The following ITFG1 variants were observed in gnomAD, a reference collection of about 807,000 sequenced individuals.
ITFG1 encodes the protein T-cell immunomodulatory protein.
A neutral mutation model predicts 81.8 loss-of-function variants in ITFG1; 34 were observed. The ratio of observed to expected loss-of-function variants is 0.42; its 90% CI spans 0.32 to 0.55. The LOEUF (loss-of-function observed/expected upper bound fraction) is 0.55. ITFG1 is among the 20% of genes least tolerant of loss of function. The pLI is 0.17. For missense variants in ITFG1, 672 were observed against 755.4 expected, an observed-to-expected ratio of 0.89 and a Z score of 1.29; for synonymous variants, 285 against 270.6, an observed-to-expected ratio of 1.05 and a Z score of -0.52.
intron 8 of ITFG1, 40 bp from the exon 9 acceptor site, chr16:47,313,863 A>G (rs747866077): frequency 8.4e-7 from 1 of 1,187,986 alleles, no homozygotes; most frequent in South Asian, 1.3e-5. Context: ...ATAGTCACAA[A>G]ATAAAGTGTT....
intron 10 of ITFG1, among the ~76,000 whole-genome samples, chr16:47,282,269 G>A (rs989804333): frequency 6.6e-6 from 1 of 151,910 alleles, no homozygotes; most frequent in Admixed American, 6.6e-5. Context: ...TCAGCCTTGC[G>A]AGTCTTCACT....
intron 6 of ITFG1, among the ~76,000 whole-genome samples, chr16:47,381,395 T>C (rs1968394288): frequency 6.6e-6 from 1 of 152,208 alleles, no homozygotes; most frequent in African/African-American, 2.4e-5. Context: ...TAATATTATT[T>C]TGAGTTCCTG....
At chr16:47,290,466 T>G (rs1966892568) in intron 10 of ITFG1, among the ~76,000 whole-genome samples, 1 of 152,170 alleles carries the variant, frequency 6.6e-6, no homozygotes, top group African/African-American at 2.4e-5. Flanking sequence ...TCTAAGAATA[T>G]TTGCTTTATA....
At chr16:47,380,992 C>A (rs1213873581) in intron 6 of ITFG1, among the ~76,000 whole-genome samples, 2 of 152,178 alleles carry the variant, frequency 1.3e-5, no homozygotes, top group Non-Finnish European at 2.9e-5. Context: ...TCAGAAACTA[C>A]AGAGACATAG....
chr16:47,229,171 A>G (rs915198336), intron 13 of ITFG1, among the ~76,000 whole-genome samples: 62 of 152,268 alleles, frequency 4.1e-4, no homozygotes, highest in African/African-American at 1.4e-3. Flanking sequence ...TTTAAACTAT[A>G]ATAAGTGACA....
intron 6 of ITFG1, among the ~76,000 whole-genome samples, chr16:47,393,083 T>C (rs1968552332): frequency 6.6e-6 from 1 of 152,130 alleles, no homozygotes; most frequent in Non-Finnish European, 1.5e-5. Flanking sequence ...TTTGACCAGC[T>C]AGTAGAGGGA....
intron 12 of ITFG1, among the ~76,000 whole-genome samples, chr16:47,245,449 C>T (rs995806911): frequency 2.0e-5 from 3 of 151,992 alleles, no homozygotes; most frequent in South Asian, 2.1e-4. Context: ...ATTCCATTTA[C>T]GTGTGTGTGT....
At chr16:47,219,992 C>T (rs1450030294) in intron 13 of ITFG1, among the ~76,000 whole-genome samples, 1 of 152,242 alleles carries the variant, frequency 6.6e-6, no homozygotes, top group African/African-American at 2.4e-5. Context: ...CTACACACTA[C>T]TTTCATGAGA....
chr16:47,296,043 C>T (rs1275524057), intron 10 of ITFG1, among the ~76,000 whole-genome samples: 6 of 152,058 alleles, frequency 3.9e-5, no homozygotes, highest in Admixed American at 3.9e-4. Flanking sequence ...AGTCTACAGG[C>T]ATGCATCACC....
At chr16:47,258,600 A>G (rs1160252195) in intron 12 of ITFG1, 32 bp downstream of exon 12, 2 of 976,392 alleles carry the variant, frequency 2.0e-6, no homozygotes, top group Non-Finnish European at 3.3e-6. Flanking sequence ...GAAGAGAAAG[A>G]GAACAAAATT....
intron 10 of ITFG1, among the ~76,000 whole-genome samples, chr16:47,286,969 C>G (rs1165983296): frequency 1.3e-5 from 2 of 152,124 alleles, no homozygotes; most frequent in Non-Finnish European, 2.9e-5. Context: ...AACTTCCTCT[C>G]AGGTAGTTCA....
intron 14 of ITFG1, among the ~76,000 whole-genome samples, chr16:47,203,004 T>C (rs1965445756): frequency 6.6e-6 from 1 of 152,056 alleles, no homozygotes; most frequent in Non-Finnish European, 1.5e-5. Context: ...TTTGGGTATA[T>C]ACCCAAAAGA....
intron 8 of ITFG1, among the ~76,000 whole-genome samples, chr16:47,341,121 A>G (rs971754646): frequency 2.0e-5 from 3 of 152,118 alleles, no homozygotes; most frequent in Admixed American, 6.5e-5. Flanking sequence ...GGGAAATGAG[A>G]AAGTACTTAA....
At chr16:47,390,711 C>T (rs566893983) in intron 6 of ITFG1, among the ~76,000 whole-genome samples, 20 of 152,194 alleles carry the variant, frequency 1.3e-4, no homozygotes, top group Admixed American at 1.2e-3. Flanking sequence ...CCGCCCACCT[C>T]GGCCTCTCAA....
At chr16:47,188,773 GA>G (rs112805222) in intron 14 of ITFG1, among the ~76,000 whole-genome samples, 38 of 148,388 alleles carry the variant, frequency 2.6e-4, no homozygotes, top group East Asian at 2.2e-3. Flanking sequence ...AGTATAATAA[GA>G]AAAAAAAAAT....
chr16:47,174,758 G>T (rs907404881), intron 14 of ITFG1, among the ~76,000 whole-genome samples: 1 of 152,124 alleles, frequency 6.6e-6, no homozygotes, highest in African/African-American at 2.4e-5. Flanking sequence ...GACCTCAGGT[G>T]ATCCACCCGC....
chr16:47,290,167 T>C (rs1010801565), intron 10 of ITFG1, among the ~76,000 whole-genome samples: 9 of 152,274 alleles, frequency 5.9e-5, no homozygotes, highest in Middle Eastern at 6.8e-3. Context: ...TTTTGTTGCA[T>C]TGTGGTGAGA....
At chr16:47,255,238 A>G (rs924747093) in intron 12 of ITFG1, among the ~76,000 whole-genome samples, 3 of 152,216 alleles carry the variant, frequency 2.0e-5, no homozygotes. Flanking sequence ...CACTTATGCT[A>G]GGTTGGAGCA....
chr16:47,327,987 GAT>G (rs1967578878), intron 8 of ITFG1, among the ~76,000 whole-genome samples: 1 of 152,098 alleles, frequency 6.6e-6, no homozygotes, highest in Non-Finnish European at 1.5e-5. Flanking sequence ...ATACCCAAAG[GAT>G]TATAAATAAT....
Sources: allele counts gnomAD v4.1 joint callset (sites outside exome capture counted in the v4.1 genomes callset), GRCh38; gene constraint gnomAD v4.1.1; transcripts MANE v1.5; gene names NCBI Gene and HGNC (gene_info 2026-07-23, HGNC 2026-07-21).